HINT3: variants seen among roughly 807,000 people sequenced by gnomAD.
HINT3 encodes adenosine 5'-monophosphoramidase HINT3.
Under a neutral mutation model 19.1 loss-of-function variants are expected in HINT3, and 16 were observed. That is an observed-to-expected ratio of 0.84 (90% CI 0.57 to 1.27). The LOEUF (loss-of-function observed/expected upper bound fraction) is 1.27, where lower values mean the gene tolerates loss of function less well. Ranked by LOEUF, HINT3 falls within the 50% of genes most tolerant of loss-of-function variation. The pLI is 0.00. For synonymous variants in HINT3, 75 were observed against 84.8 expected, an observed-to-expected ratio of 0.88 and a Z score of 0.63; for missense variants, 197 against 225.8, an observed-to-expected ratio of 0.87 and a Z score of 0.82.
At chr6:125,972,415 G>T (rs1270904648) in intron 3 of HINT3, 87 bp downstream of exon 3, 3 of 740,158 alleles carry the variant, frequency 4.1e-6, no homozygotes, top group Non-Finnish European at 6.4e-6. Context: ...GGAAACAGAG[G>T]TGGCAGTTTG....
At chr6:125,965,303 T>C (rs1384037889) in intron 1 of HINT3, among the ~76,000 whole-genome samples, 1 of 152,170 alleles carries the variant, frequency 6.6e-6, no homozygotes, top group African/African-American at 2.4e-5. Context: ...CTACATCATC[T>C]CAAACTAACC....
At chr6:125,968,820 A>T (rs570983730) in intron 2 of HINT3, among the ~76,000 whole-genome samples, 2 of 151,996 alleles carry the variant, frequency 1.3e-5, no homozygotes, top group South Asian at 2.1e-4. Context: ...TTCTTTTGAG[A>T]AGTGTCCGTT....
intron 1 of HINT3, among the ~76,000 whole-genome samples, chr6:125,964,707 T>G (rs1029017909): frequency 7.3e-5 from 11 of 151,148 alleles, no homozygotes; most frequent in African/African-American, 2.4e-4. Context: ...TCTTTTGCTA[T>G]CATGAATAAT....
chr6:125,962,209 T>TATACACATATATATATATATATATATAC (rs1307137196), intron 1 of HINT3, among the ~76,000 whole-genome samples: 1 of 20,242 alleles, frequency 4.9e-5, no homozygotes, highest in African/African-American at 1.2e-4. Context: ...TATATATATA[T>TATACACATATATATATATATATATATAC]ACACATATAT....
At chr6:125,977,602 A>G in intron 4 of HINT3, 42 bp from the exon 5 acceptor site, 1 of 1,035,274 alleles carries the variant, frequency 9.7e-7, no homozygotes, top group Non-Finnish European at 1.4e-6. Context: ...TTTGATAGAG[A>G]CTATGATATC....
chr6:125,977,801 T>C lies in HINT3; in HGVS notation c.*125T>C. The stretch of plus-strand genomic sequence containing the variant: ...TATGAGAGGCTGTTACTTAGTGGCC[T>C]TAAATCTTTTCTGAATGTCTGTTTC... On this transcript the variant is annotated 3_prime_UTR_variant, in exon 5 of 5. Coordinates refer to ENST00000229633, the MANE Select transcript of HINT3 (RefSeq NM_138571.5). 1 of 532,162 alleles carries C rather than the reference T, an allele frequency of 1.9e-6. No individual in the cohort carries two copies. Among genetic ancestry groups the C allele is most frequent in the Non-Finnish European group, 3.4e-6 (1 of 292,484 alleles). 33.0% of individuals were successfully genotyped at this position (532,162 alleles called of 1,614,324 possible).
intron 2 of HINT3, among the ~76,000 whole-genome samples, chr6:125,967,969 A>G (rs1789041724): frequency 1.3e-5 from 2 of 152,224 alleles, no homozygotes; most frequent in South Asian, 2.1e-4. Context: ...TTTAAAAAAG[A>G]TAATTTTTTA....
At chr6:125,962,215 T>TATATATATATATATATATATACAC (rs1788942875) in intron 1 of HINT3, among the ~76,000 whole-genome samples, 1 of 21,404 alleles carries the variant, frequency 4.7e-5, no homozygotes, top group Non-Finnish European at 7.9e-5. Context: ...TATATACACA[T>TATATATATATATATATATATACAC]ATATATATAT....
rs1789220248 is a variant in HINT3, at chr6:125,979,496, G to A, written c.*1820G>A. 1 of 152,206 alleles carries A rather than the reference G, an allele frequency of 6.6e-6. No homozygotes were observed. Among genetic ancestry groups the A allele is most frequent in the African/African-American group, 2.4e-5 (1 of 41,452 alleles). 9.4% of individuals were successfully genotyped at this position (152,206 alleles called of 1,614,324 possible). A position where few individuals can be genotyped will look rare whatever the true frequency, so the allele number is the denominator to read the frequency against. The stretch of plus-strand genomic sequence containing the variant: ...AGGCCGGGTGTGGTGGCTCACGCCT[G>A]TAATCCTAGCACTTTGGGAGGCCGA... On this transcript the variant is annotated 3_prime_UTR_variant, in exon 5 of 5. Coordinates refer to ENST00000229633, the MANE Select transcript of HINT3 (RefSeq NM_138571.5).
At chr6:125,964,466 C>T (rs1220516522) in intron 1 of HINT3, among the ~76,000 whole-genome samples, 1 of 152,094 alleles carries the variant, frequency 6.6e-6, no homozygotes, top group African/African-American at 2.4e-5. Flanking sequence ...TAGGTATTCA[C>T]ATGTCTGTAT....
At chr6:125,961,290 T>G (rs1360007797) in intron 1 of HINT3, among the ~76,000 whole-genome samples, 1 of 152,228 alleles carries the variant, frequency 6.6e-6, no homozygotes, top group Non-Finnish European at 1.5e-5. Flanking sequence ...AGAACACTTC[T>G]GTGACCAAAT....
intron 2 of HINT3, among the ~76,000 whole-genome samples, chr6:125,970,849 G>GA (rs539560657): frequency 2.1e-4 from 32 of 152,008 alleles, no homozygotes; most frequent in African/African-American, 7.0e-4. Flanking sequence ...ATTAGAAAAA[G>GA]AAAAAATTCC....
chr6:125,972,444 C>A, intron 3 of HINT3, 116 bp downstream of exon 3: 1 of 597,150 alleles, frequency 1.7e-6, no homozygotes, highest in South Asian at 2.5e-5. Flanking sequence ...ATGTAGTTTT[C>A]CTGAAAGTGA....
At chr6:125,973,466 A>T (rs1789138381) in intron 3 of HINT3, among the ~76,000 whole-genome samples, 2 of 152,148 alleles carry the variant, frequency 1.3e-5, no homozygotes, top group Admixed American at 1.3e-4. Flanking sequence ...GGTATAATGG[A>T]GATTACTTCT....
chr6:125,968,704 T>C (rs1789053084), intron 2 of HINT3, among the ~76,000 whole-genome samples: 1 of 152,186 alleles, frequency 6.6e-6, no homozygotes. Context: ...AAAATAGCCA[T>C]TCTGATTGGT....
At chr6:125,957,345 C>G (rs545511106) in intron 1 of HINT3, among the ~76,000 whole-genome samples, 167 bp downstream of exon 1, 41 of 152,212 alleles carry the variant, frequency 2.7e-4, no homozygotes, top group Non-Finnish European at 5.3e-4. Context: ...GCTGGGGATA[C>G]GCCCACTACG....
intron 2 of HINT3, among the ~76,000 whole-genome samples, chr6:125,971,872 G>A (rs888571432): frequency 6.6e-6 from 1 of 151,830 alleles, no homozygotes; most frequent in Non-Finnish European, 1.5e-5. Context: ...ACCACGCCCG[G>A]CTAATTTTTT....
chr6:125,974,907 A>AC lies in HINT3; in HGVS notation c.452dup (p.Val152SerfsTer13), dbSNP rs768324743. The stretch of plus-strand genomic sequence containing the variant: ...CCCACTTGCACCTTCATGTTCTGGC[A>AC]CCAGTGGATCAGCTTGGCTTCTTAT... On this transcript the variant is annotated frameshift_variant, in exon 4 of 5. Coordinates refer to ENST00000229633, the MANE Select transcript of HINT3 (RefSeq NM_138571.5). LOFTEE classifies it high-confidence loss of function. 2 of 1,613,860 alleles carry AC rather than the reference A, an allele frequency of 1.2e-6. No homozygotes were observed. The highest frequency in any genetic ancestry group is 1.1e-5 in the South Asian group (1 of 91,078).
chr6:125,962,209 T>TATACACATATATATATATATATATAC (rs1307137196), intron 1 of HINT3, among the ~76,000 whole-genome samples: 2 of 20,248 alleles, frequency 9.9e-5, no homozygotes, highest in Non-Finnish European at 2.1e-4. Context: ...TATATATATA[T>TATACACATATATATATATATATATAC]ACACATATAT....
Sources: gnomAD v4.1 joint callset for allele counts (sites outside exome capture counted in the v4.1 genomes callset) on GRCh38, gnomAD v4.1.1 for gene constraint, MANE v1.5 for transcripts, NCBI Gene and HGNC (gene_info 2026-07-23, HGNC 2026-07-21) for gene names.